Variants in CSMD1 observed in about 807,000 individuals in gnomAD.
CSMD1 encodes the protein CUB and sushi domain-containing protein 1.
In CSMD1, 213 loss-of-function variants were observed where a neutral mutation model predicts 417.5. The observed-to-expected ratio is 0.51, with a 90% CI of 0.46 to 0.57. The LOEUF (loss-of-function observed/expected upper bound fraction) is 0.57, where lower values mean the gene tolerates loss of function less well. Ranked by LOEUF, CSMD1 falls within the 20% of genes least tolerant of loss-of-function variation. CSMD1 has a pLI of 0.00. For synonymous variants in CSMD1, 2,862 were observed against 1,736.8 expected (o/e 1.65, Z -16.11); for missense variants, 6,923 against 4,529.7 (o/e 1.53, Z -15.17).
intron 40 of CSMD1, among the ~76,000 whole-genome samples, chr8:3,147,998 G>C (rs1460811973): frequency 5.9e-5 from 9 of 152,056 alleles, no homozygotes; most frequent in Non-Finnish European, 8.8e-5. Flanking sequence ...GCATTATCCT[G>C]GTAAGATATT....
intron 3 of CSMD1, among the ~76,000 whole-genome samples, chr8:4,042,248 A>C (rs2130641773): frequency 6.6e-6 from 1 of 152,322 alleles, no homozygotes; most frequent in East Asian, 1.9e-4. Context: ...AAGGTGCCTA[A>C]ATACAGCAAT....
intron 6 of CSMD1, among the ~76,000 whole-genome samples, chr8:3,745,969 G>A (rs1797048032): frequency 6.6e-6 from 1 of 152,200 alleles, no homozygotes; most frequent in South Asian, 2.1e-4. Flanking sequence ...GTTGGTCAAT[G>A]TAAATGCTGA....
chr8:3,464,912 T>C (rs1325709642), intron 12 of CSMD1, among the ~76,000 whole-genome samples: 1 of 152,200 alleles, frequency 6.6e-6, no homozygotes, highest in Non-Finnish European at 1.5e-5. Context: ...CTTTGTTTTT[T>C]AAACTTTGCA....
In CSMD1 at chr8:4,293,189, CAGAG is replaced by C. The variant is rs201880666; in HGVS notation, c.415+126760_415+126763del. Among the ~76,000 whole-genome samples, 1,388 of 152,232 alleles carry C rather than the reference CAGAG, an allele frequency of 9.1e-3. 20 individuals are homozygous for C. The highest frequency in any genetic ancestry group is 0.032 in the African/African-American group (1,341 of 41,542). ...CTCTGAGGACTGAACCTCCCTGGCA[CAGAG>C]AGAGGAAGAGAGCCCAATGATGCCG... is the stretch of plus-strand genomic sequence containing the variant. On this transcript the variant is annotated intron_variant, in intron 3 of 69. Coordinates refer to ENST00000635120, the MANE Select transcript of CSMD1 (RefSeq NM_033225.6).
chr8:4,028,168 C>T (rs1037924606), intron 4 of CSMD1, among the ~76,000 whole-genome samples: 1 of 152,106 alleles, frequency 6.6e-6, no homozygotes, highest in Non-Finnish European at 1.5e-5. Flanking sequence ...AAATAATGGG[C>T]ATCTAGAGTA....
In CSMD1 at chr8:3,253,394, C is replaced by G. The variant is rs542112965; in HGVS notation, c.4154-23163G>C. On this transcript the variant is annotated intron_variant, in intron 26 of 69. Transcript: ENST00000635120. ...TTTGATTGCACTGTGGTCTGAGAGA[C>G]AGTTTGTTATAATTTCTGTTCTTTT... Among the ~76,000 whole-genome samples the G allele has an allele frequency of 2.8e-3, 425 of 152,198 alleles. 2 individuals carry two copies. Among genetic ancestry groups the G allele is most frequent in the African/African-American group, 9.8e-3 (405 of 41,528 alleles).
chr8:4,986,760 C>T (rs946690885), intron 1 of CSMD1, among the ~76,000 whole-genome samples: 4 of 151,738 alleles, frequency 2.6e-5, no homozygotes, highest in South Asian at 4.2e-4. Flanking sequence ...TGATGGATAC[C>T]GATAATAGAG....
chr8:4,213,823 A>G (rs1323445774), intron 3 of CSMD1, among the ~76,000 whole-genome samples: 1 of 152,050 alleles, frequency 6.6e-6, no homozygotes, highest in Admixed American at 6.5e-5. Context: ...AAGATAAGAA[A>G]AGAGACAGTT....
intron 3 of CSMD1, among the ~76,000 whole-genome samples, chr8:4,037,554 C>T (rs959310728): frequency 2.0e-5 from 3 of 152,158 alleles, no homozygotes; most frequent in African/African-American, 7.2e-5. Context: ...CAGACATAGC[C>T]TTTGCAAGGT....
At chr8:2,959,488 A>G (rs966770489) in intron 62 of CSMD1, among the ~76,000 whole-genome samples, 1 of 152,208 alleles carries the variant, frequency 6.6e-6, no homozygotes, top group African/African-American at 2.4e-5. Flanking sequence ...ACATGCTGAC[A>G]TTCTCAGGAA....
intron 1 of CSMD1, among the ~76,000 whole-genome samples, chr8:4,748,319 C>G (rs1211318640): frequency 1.3e-5 from 2 of 152,242 alleles, no homozygotes; most frequent in Non-Finnish European, 2.9e-5. Flanking sequence ...AGTGCACCAT[C>G]TGAGTTGGAA....
At chr8:3,924,257 A>T (rs1809482425) in intron 5 of CSMD1, among the ~76,000 whole-genome samples, 1 of 152,090 alleles carries the variant, frequency 6.6e-6, no homozygotes, top group African/African-American at 2.4e-5. Flanking sequence ...TCTTGTAGGG[A>T]TACCTTATAT....
At chr8:4,959,740 T>A (rs1563872668) in intron 1 of CSMD1, among the ~76,000 whole-genome samples, 1 of 152,228 alleles carries the variant, frequency 6.6e-6, no homozygotes, top group Non-Finnish European at 1.5e-5. Context: ...ATGACCAACT[T>A]ACACCAGAAG....
At chr8:4,677,349 C>T (rs982973929) in intron 1 of CSMD1, among the ~76,000 whole-genome samples, 2 of 151,752 alleles carry the variant, frequency 1.3e-5, no homozygotes, top group African/African-American at 4.8e-5. Flanking sequence ...CATGTGCTAC[C>T]TATTTATTTA....
chr8:3,253,191 C>A (rs936446801), intron 26 of CSMD1, among the ~76,000 whole-genome samples: 7 of 152,056 alleles, frequency 4.6e-5, no homozygotes, highest in Non-Finnish European at 8.8e-5. Flanking sequence ...CCTCTACACA[C>A]TGCTTTGTAT....
At chr8:3,854,356 CTTTTGA>C (rs1469502830) in intron 5 of CSMD1, among the ~76,000 whole-genome samples, 2 of 151,426 alleles carry the variant, frequency 1.3e-5, no homozygotes, top group Admixed American at 6.6e-5. Context: ...AATTCTTTTC[CTTTTGA>C]TTTTAAGAAC....
At chr8:3,564,636 A>G (rs557532354) in intron 10 of CSMD1, among the ~76,000 whole-genome samples, 3 of 130,786 alleles carry the variant, frequency 2.3e-5, no homozygotes, top group South Asian at 4.6e-4. Context: ...GTAAAAATAA[A>G]TCTATTTAGT....
At chr8:4,055,066 G>A (rs569230153) in intron 3 of CSMD1, among the ~76,000 whole-genome samples, 1 of 152,130 alleles carries the variant, frequency 6.6e-6, no homozygotes, top group Non-Finnish European at 1.5e-5. Context: ...CAAACAATCA[G>A]AGAGAATACT....
chr8:3,722,800 A>G (rs1170705474), intron 6 of CSMD1, among the ~76,000 whole-genome samples: 2 of 152,200 alleles, frequency 1.3e-5, no homozygotes, highest in Admixed American at 6.5e-5. Flanking sequence ...CTGCTGTGTA[A>G]CAAGGAACGA....
Sources: gnomAD v4.1 joint callset for allele counts (sites outside exome capture counted in the v4.1 genomes callset) on GRCh38, gnomAD v4.1.1 for gene constraint, MANE v1.5 for transcripts, NCBI Gene and HGNC (gene_info 2026-07-23, HGNC 2026-07-21) for gene names.